The following GABRA1 variants were observed in gnomAD, a reference collection of about 807,000 sequenced individuals.
GABRA1 encodes gamma-aminobutyric acid type A receptor subunit alpha1, also known as gamma-aminobutyric acid receptor subunit alpha-1.
In GABRA1, 9 loss-of-function variants were observed where a neutral mutation model predicts 48.9. That is an observed-to-expected ratio of 0.18 (90% CI 0.11 to 0.32). The LOEUF is 0.32. Among genes scored for constraint, GABRA1 ranks in the 10% least tolerant of loss-of-function variants. The pLI is 1.00. For missense variants in GABRA1, 285 were observed against 553.8 expected (o/e 0.51, Z 4.87); for synonymous variants, 210 against 198.7 (o/e 1.06, Z -0.48).
intron 3 of GABRA1, among the ~76,000 whole-genome samples, chr5:161,855,939 G>A: frequency 6.6e-6 from 1 of 151,172 alleles, no homozygotes; most frequent in Admixed American, 6.6e-5. Context: ...TGACAGATTT[G>A]TGCATCATCT....
intron 6 of GABRA1, among the ~76,000 whole-genome samples, chr5:161,878,001 A>T (rs1224248364): frequency 6.6e-6 from 1 of 152,162 alleles, no homozygotes; most frequent in Non-Finnish European, 1.5e-5. Context: ...ACCATTTATC[A>T]CAGCAATGAT....
chr5:161,875,060 G>A (rs1462922485), intron 5 of GABRA1, among the ~76,000 whole-genome samples: 1 of 152,074 alleles, frequency 6.6e-6, no homozygotes, highest in African/African-American at 2.4e-5. Flanking sequence ...ATCTCACAAA[G>A]CCTGAGGACA....
chr5:161,871,145 G>A (rs1253181944), intron 4 of GABRA1, among the ~76,000 whole-genome samples: 9 of 152,146 alleles, frequency 5.9e-5, no homozygotes, highest in African/African-American at 2.2e-4. Context: ...TGAAATTATT[G>A]CCTTTGGGAT....
intron 8 of GABRA1, among the ~76,000 whole-genome samples, chr5:161,893,006 AAAAAATAATAATAAT>A (rs1445029351): frequency 3.9e-4 from 19 of 48,522 alleles, no homozygotes; most frequent in African/African-American, 1.3e-3. Flanking sequence ...CTCCTTCTCA[AAAAAATAATAATAAT>A]AATAATAATA....
At chr5:161,890,606 A>G (rs548060782) in intron 7 of GABRA1, among the ~76,000 whole-genome samples, 33 of 152,082 alleles carry the variant, frequency 2.2e-4, no homozygotes, top group Non-Finnish European at 3.4e-4. Flanking sequence ...TGGAAAGCCA[A>G]TCCTTAAATA....
intron 7 of GABRA1, among the ~76,000 whole-genome samples, chr5:161,886,876 AAGGGTGGCATAACCCCTTGTCTCTTCC>A (rs1478443896): frequency 6.6e-6 from 1 of 152,158 alleles, no homozygotes; most frequent in Non-Finnish European, 1.5e-5. Flanking sequence ...TTGATGTGTC[AAGGGTGGCATAACCCCTTGTCTCTTCC>A]CACCCTCACC....
At position 161,881,928 on chromosome 5, in the gene GABRA1, TAGAAGG is replaced by T. The variant is rs111405747; in HGVS notation, c.560-609_560-604del. The T allele has an allele frequency of 4.0e-3, 407 of 102,272 alleles. 2 individuals carry two copies. The highest frequency in any genetic ancestry group is 0.01 in the Middle Eastern group (2 of 198). The allele number at this position is 102,272 out of a possible 1,614,324, so 6.3% of individuals were successfully genotyped here. ...AAAAAAAAAAAAGAAGAAGAAGAAG[TAGAAGG>T]AGAAGGAGAAGGAGAAGGAGGGGCA... On this transcript the variant is annotated intron_variant, in intron 6 of 9. Transcript: ENST00000393943.
chr5:161,862,105 T>A (rs75031502), intron 3 of GABRA1, among the ~76,000 whole-genome samples: 10,749 of 151,930 alleles, frequency 0.071, 432 homozygotes, highest in South Asian at 0.12. Flanking sequence ...CCATTTTTTT[T>A]ATTACAGTCA....
rs1039687991 is a variant in GABRA1, at chr5:161,897,715, T to C, written c.*293T>C. On this transcript the variant is annotated 3_prime_UTR_variant, in exon 10 of 10. Transcript: ENST00000393943. ...GATGGTTCAAAGATACAAGAAAAAGTAGAAAAAAAAATAACACTTAACTAA... is the reference window on the plus strand; with the variant it reads ...GATGGTTCAAAGATACAAGAAAAAGCAGAAAAAAAAATAACACTTAACTAA... 3.1e-6 allele frequency: 1 copy of C among 320,208 alleles called. No individual in the cohort carries two copies. The highest frequency in any genetic ancestry group is 2.2e-5 in the African/African-American group (1 of 45,914). The allele number at this position is 320,208 out of a possible 1,614,324, so 19.8% of individuals were successfully genotyped here.
chr5:161,871,914 C>T (rs925764440), intron 4 of GABRA1, among the ~76,000 whole-genome samples: 1 of 152,194 alleles, frequency 6.6e-6, no homozygotes, highest in African/African-American at 2.4e-5. Flanking sequence ...TAATGCCAAA[C>T]ATGTGCCAGA....
At chr5:161,882,934 A>G (rs1404183832) in intron 7 of GABRA1, among the ~76,000 whole-genome samples, 1 of 152,178 alleles carries the variant, frequency 6.6e-6, no homozygotes, top group Non-Finnish European at 1.5e-5. Flanking sequence ...GAAACTGGCT[A>G]TAAGTAATTA....
chr5:161,868,135 GT>G (rs931311751), intron 4 of GABRA1, among the ~76,000 whole-genome samples: 3 of 152,016 alleles, frequency 2.0e-5, no homozygotes, highest in Non-Finnish European at 4.4e-5. Context: ...AGACAATAGG[GT>G]AGAAGGCATG....
At chr5:161,852,427 G>A (rs888053781) in intron 2 of GABRA1, among the ~76,000 whole-genome samples, 4 of 151,780 alleles carry the variant, frequency 2.6e-5, no homozygotes, top group Admixed American at 1.3e-4. Context: ...CAGAGTTCCC[G>A]ATCAGGGCCT....
chr5:161,890,342 G>A (rs1171328949), intron 7 of GABRA1, among the ~76,000 whole-genome samples: 1 of 152,108 alleles, frequency 6.6e-6, no homozygotes, highest in East Asian at 1.9e-4. Context: ...AATAAATTTT[G>A]AGAAACAAAA....
intron 7 of GABRA1, among the ~76,000 whole-genome samples, chr5:161,890,102 G>C (rs1264467317): frequency 6.6e-6 from 1 of 151,944 alleles, no homozygotes; most frequent in East Asian, 1.9e-4. Flanking sequence ...TGCAATTTGG[G>C]TTGTGTGTCT....
At chr5:161,866,743 T>C (rs1171905898) in intron 4 of GABRA1, among the ~76,000 whole-genome samples, 1 of 152,138 alleles carries the variant, frequency 6.6e-6, no homozygotes, top group Non-Finnish European at 1.5e-5. Context: ...ATTTGACCCC[T>C]GTTTATATTC....
Position 161,897,686 on chromosome 5 carries a change from G to A in GABRA1, c.*264G>A. 7.2e-6 allele frequency: 3 copies of A among 414,974 alleles called. No homozygotes were observed. Among genetic ancestry groups the A allele is most frequent in the East Asian group, 8.2e-5 (2 of 24,396 alleles). 25.7% of individuals were successfully genotyped at this position (414,974 alleles called of 1,614,324 possible). A position where few individuals can be genotyped will look rare whatever the true frequency, so the allele number is the denominator to read the frequency against. On this transcript the variant is annotated 3_prime_UTR_variant, in exon 10 of 10. Coordinates refer to ENST00000393943, the MANE Select transcript of GABRA1 (RefSeq NM_001127644.2). Reference sequence around the variant, plus strand: ...AGACAGAATGAGAGAGAAAAGAGGGGGAAGATGGTTCAAAGATACAAGAAA... The same window carrying A: ...AGACAGAATGAGAGAGAAAAGAGGGAGAAGATGGTTCAAAGATACAAGAAA...
intron 2 of GABRA1, 63 bp from the exon 3 acceptor site, chr5:161,854,095 T>C: frequency 1.2e-6 from 1 of 825,254 alleles, no homozygotes; most frequent in Non-Finnish European, 2.1e-6. Context: ...AGGATTTATT[T>C]GGAAAGAGGT....
intron 7 of GABRA1, among the ~76,000 whole-genome samples, chr5:161,883,884 T>C (rs1754724382): frequency 6.6e-6 from 1 of 152,074 alleles, no homozygotes; most frequent in African/African-American, 2.4e-5. Flanking sequence ...TGTTTTATTT[T>C]TTTTTTAAAA....
Sources: allele counts gnomAD v4.1 joint callset (sites outside exome capture counted in the v4.1 genomes callset), GRCh38; gene constraint gnomAD v4.1.1; transcripts MANE v1.5; gene names NCBI Gene and HGNC (gene_info 2026-07-23, HGNC 2026-07-21).